The following RBCK1 variants were observed in gnomAD, a reference collection of about 807,000 sequenced individuals.
The protein encoded by RBCK1 is ranBP-type and C3HC4-type zinc finger-containing protein 1.
A neutral mutation model predicts 71.1 loss-of-function variants in RBCK1; 44 were observed. The ratio of observed to expected loss-of-function variants is 0.62; its 90% CI spans 0.49 to 0.80. RBCK1 has a LOEUF of 0.80. Ranked by LOEUF, RBCK1 falls within the 30% of genes least tolerant of loss-of-function variation. The pLI, the probability that RBCK1 is intolerant of heterozygous loss-of-function variation, is 0.00. For synonymous variants in RBCK1, 306 were observed against 279.7 expected, an observed-to-expected ratio of 1.09 and a Z score of -0.94; for missense variants, 569 against 685.0, an observed-to-expected ratio of 0.83 and a Z score of 1.89.
In RBCK1 at chr20:422,578, C is replaced by G. The variant is rs1389201032; in HGVS notation, c.1029+340C>G. ...GGCGTGGCAGCTCACACCTGTAATC[C>G]CAGCACTTTGGGAGGATGAAGTGGG... On this transcript the variant is annotated intron_variant, in intron 8 of 11. Coordinates refer to ENST00000356286, the MANE Select transcript of RBCK1 (RefSeq NM_031229.4). This position sits in a 1 kb window ranked among gnomAD's most constrained non-coding sequence, Gnocchi z 5.0. Among the ~76,000 whole-genome samples, 1 of 152,086 alleles carries G rather than the reference C, an allele frequency of 6.6e-6. No homozygotes were observed. The highest frequency in any genetic ancestry group is 1.5e-5 in the Non-Finnish European group (1 of 68,016).
chr20:409,822 A>T, intron 1 of RBCK1, 59 bp from the exon 2 acceptor site: 2 of 1,575,474 alleles, frequency 1.3e-6, no homozygotes, highest in Non-Finnish European at 1.7e-6. Context: ...CTACCCCATT[A>T]CTCTCAGCTC....
In RBCK1 at chr20:428,830, G is replaced by A. The variant is rs938493391; in HGVS notation, c.1309-121G>A. 65 of 1,440,128 alleles carry A rather than the reference G, an allele frequency of 4.5e-5. No individual in the cohort carries two copies. The highest frequency in any genetic ancestry group is 5.6e-5 in the Non-Finnish European group (62 of 1,101,908). 89.2% of individuals were successfully genotyped at this position (1,440,128 alleles called of 1,614,324 possible). A position where few individuals can be genotyped will look rare whatever the true frequency, so the allele number is the denominator to read the frequency against. On this transcript the variant is annotated intron_variant, in intron 10 of 11. Coordinates refer to ENST00000356286, the MANE Select transcript of RBCK1 (RefSeq NM_031229.4). This position sits in a 1 kb window ranked among gnomAD's most constrained non-coding sequence, Gnocchi z 5.7. ...TTGCTGGATGGAGCCTGGCCTGGCAGAGCCACACAGGAGAGACTCCACAGC... is the reference window on the plus strand; with the variant it reads ...TTGCTGGATGGAGCCTGGCCTGGCAAAGCCACACAGGAGAGACTCCACAGC...
intron 5 of RBCK1, 36 bp from the exon 6 acceptor site, chr20:419,522 C>G: frequency 6.2e-7 from 1 of 1,605,112 alleles, no homozygotes; most frequent in Non-Finnish European, 8.5e-7. Flanking sequence ...TTGCCTCACC[C>G]TGCCCAGTCG....
In RBCK1 at chr20:408,644, G is replaced by A; in HGVS notation, c.-114G>A. On this transcript the variant is annotated 5_prime_UTR_variant, in exon 1 of 12. Coordinates refer to ENST00000356286, the MANE Select transcript of RBCK1 (RefSeq NM_031229.4). Reference sequence around the variant, plus strand: ...CACACAGGGCTTGGGCCGCGCCGGAGGCCACACGGCCTGGCTGAGTTGCTC... The same window carrying A: ...CACACAGGGCTTGGGCCGCGCCGGAAGCCACACGGCCTGGCTGAGTTGCTC... 7.1e-7 allele frequency: 1 copy of A among 1,412,348 alleles called. No individual in the cohort carries two copies. The highest frequency in any genetic ancestry group is 9.8e-7 in the Non-Finnish European group (1 of 1,021,248). The allele number at this position is 1,412,348 out of a possible 1,614,324, so 87.5% of individuals were successfully genotyped here. A position where few individuals can be genotyped will look rare whatever the true frequency, so the allele number is the denominator to read the frequency against.
At chr20:420,052 C>G in intron 6 of RBCK1, 1 of 970,110 alleles carries the variant, frequency 1.0e-6, no homozygotes, top group East Asian at 1.2e-4. Context: ...ACCCCAGCAC[C>G]CTAGCCATGA....
chr20:423,286 C>T lies in RBCK1; in HGVS notation c.1029+1048C>T, dbSNP rs191452909. Among the ~76,000 whole-genome samples, 369 of 152,162 alleles carry T rather than the reference C, an allele frequency of 2.4e-3. 2 individuals carry two copies. Among genetic ancestry groups the T allele is most frequent in the African/African-American group, 8.5e-3 (352 of 41,508 alleles). On this transcript the variant is annotated intron_variant, in intron 8 of 11. Transcript: ENST00000356286. ...TGCACTCCAGCCTGGGCAACCAGAG[C>T]GAAACTCCGTCTGAAAATATATATA...
chr20:425,368 C>T (rs567490108), intron 8 of RBCK1, among the ~76,000 whole-genome samples: 3 of 152,304 alleles, frequency 2.0e-5, no homozygotes, highest in African/African-American at 7.2e-5. Flanking sequence ...ATAAAATGTA[C>T]TCATTGTAAG....
chr20:418,423 C>A (rs1363308092), intron 4 of RBCK1, among the ~76,000 whole-genome samples: 2 of 152,030 alleles, frequency 1.3e-5, no homozygotes, highest in Admixed American at 1.3e-4. Flanking sequence ...GGCTGGAGTG[C>A]AGTGGCACAA....
intron 8 of RBCK1, among the ~76,000 whole-genome samples, chr20:426,961 G>T (rs771998529): frequency 1.5e-4 from 23 of 151,252 alleles, no homozygotes; most frequent in Non-Finnish European, 2.8e-4. Context: ...AAGCAGCTGG[G>T]ACTACAGGTG....
intron 2 of RBCK1, among the ~76,000 whole-genome samples, chr20:413,256 T>C (rs1448334405): frequency 6.6e-6 from 1 of 152,182 alleles, no homozygotes; most frequent in Non-Finnish European, 1.5e-5. Context: ...TTTTGGTTAT[T>C]GCAAGTCTCT....
chr20:423,521 TA>T (rs1199053300), intron 8 of RBCK1, among the ~76,000 whole-genome samples: 1 of 151,992 alleles, frequency 6.6e-6, no homozygotes, highest in Non-Finnish European at 1.5e-5. Flanking sequence ...AAAATTACAA[TA>T]AAAAACAAAT....
At position 422,579 on chromosome 20, in the gene RBCK1, C is replaced by T. The variant is rs1198566260; in HGVS notation, c.1029+341C>T. ...GCGTGGCAGCTCACACCTGTAATCC[C>T]AGCACTTTGGGAGGATGAAGTGGGC... On this transcript the variant is annotated intron_variant, in intron 8 of 11. Coordinates refer to ENST00000356286, the MANE Select transcript of RBCK1 (RefSeq NM_031229.4). The surrounding 1 kb of genome is among the most constrained non-coding windows in gnomAD (Gnocchi z 5.0). Among the ~76,000 whole-genome samples, 1 of 152,132 alleles carries T rather than the reference C, an allele frequency of 6.6e-6. No homozygotes were observed. The highest frequency in any genetic ancestry group is 1.5e-5 in the Non-Finnish European group (1 of 68,022).
Position 422,236 on chromosome 20 carries a change from G to A in RBCK1, c.1027G>A (p.Ala343Thr). ...SGKLLEREIK[A>T]LLTPEDYQRF... ...CAAGCTGCTGGAGAGGGAGATCAAG[G>A]CGGTAAGGCCTCAGGGTGGGAGACA... Residue 343 changes from alanine (A) to threonine (T), a missense_variant and splice_region_variant, in exon 8 of 12, where the codon GCG (alanine) becomes ACG (threonine). By Grantham distance (58) the Ala-to-Thr change is moderately conservative (BLOSUM62 0). This residue lies in a region of RBCK1 where 211 missense variants were observed against 309.4 expected (regional missense o/e 0.68). Coordinates refer to ENST00000356286, the MANE Select transcript of RBCK1 (RefSeq NM_031229.4). The surrounding 1 kb of genome is among the most constrained non-coding windows in gnomAD (Gnocchi z 5.0). The A allele has an allele frequency of 6.2e-7, 1 of 1,613,440 alleles. No homozygotes were observed. Among genetic ancestry groups the A allele is most frequent in the Non-Finnish European group, 8.5e-7 (1 of 1,179,864 alleles).
Position 417,423 on chromosome 20 carries a change from GCATGGCCA to G in RBCK1, c.168-102_168-95del. 1 of 895,158 alleles carries G rather than the reference GCATGGCCA, an allele frequency of 1.1e-6. No individual in the cohort carries two copies. The highest frequency in any genetic ancestry group is 1.7e-5 in the African/African-American group (1 of 60,268). 55.5% of individuals were successfully genotyped at this position (895,158 alleles called of 1,614,324 possible). A position where few individuals can be genotyped will look rare whatever the true frequency, so the allele number is the denominator to read the frequency against. On this transcript the variant is annotated intron_variant, in intron 2 of 11. Coordinates refer to ENST00000356286, the MANE Select transcript of RBCK1 (RefSeq NM_031229.4). This position sits in a 1 kb window ranked among gnomAD's most constrained non-coding sequence, Gnocchi z 4.7. ...TGTGTGTGTGTGTGTGTGTGTGTGT[GCATGGCCA>G]TGTGCCTGTGTGCAAATATGTACAT... is the stretch of plus-strand genomic sequence containing the variant.
At chr20:421,170 C>T in intron 7 of RBCK1, 139 bp downstream of exon 7, 1 of 1,125,750 alleles carries the variant, frequency 8.9e-7, no homozygotes, top group Non-Finnish European at 1.2e-6. Flanking sequence ...TCCGTCTCCC[C>T]ATGTTGCGGA....
rs2016032721 is a variant in RBCK1, at chr20:417,092, T to A, written c.168-434T>A. Reference sequence around the variant, plus strand: ...CCTATCTGTGCCTCACATTTTTATCTGTAAAACAGGGATACAGCAGTACCT... The same window carrying A: ...CCTATCTGTGCCTCACATTTTTATCAGTAAAACAGGGATACAGCAGTACCT... On this transcript the variant is annotated intron_variant, in intron 2 of 11. Transcript: ENST00000356286. The surrounding 1 kb of genome is among the most constrained non-coding windows in gnomAD (Gnocchi z 4.7). 2.4e-6 allele frequency: 1 copy of A among 412,602 alleles called. No homozygotes were observed. The allele number at this position is 412,602 out of a possible 1,614,324, so 25.6% of individuals were successfully genotyped here. A position where few individuals can be genotyped will look rare whatever the true frequency, so the allele number is the denominator to read the frequency against.
chr20:419,052 C>T (rs1432740115), intron 4 of RBCK1, among the ~76,000 whole-genome samples: 12 of 152,324 alleles, frequency 7.9e-5, no homozygotes, highest in Admixed American at 5.2e-4. Context: ...TTGGCAGGAC[C>T]GCCTCAGCGG....
Position 409,899 on chromosome 20 carries a change from G to T in RBCK1, c.41G>T (p.Ser14Ile). The change falls in exon 2 of 12, where the codon AGC becomes ATC. Residue 14 changes from serine (S) to isoleucine (I), a missense_variant. Physicochemically the swap from Ser to Ile is moderately radical, Grantham distance 142. Coordinates refer to ENST00000356286, the MANE Select transcript of RBCK1 (RefSeq NM_031229.4). ...KTKKAEEMAL[S>I]LTRAVAGGDE... ...CTTTCAGCAGAGGAAATGGCCCTGA[G>T]CCTCACCCGAGCAGTGGCGGGCGGG... 6.2e-7 allele frequency: 1 copy of T among 1,614,112 alleles called. No homozygotes were observed. Among genetic ancestry groups the T allele is most frequent in the East Asian group, 2.2e-5 (1 of 44,870 alleles).
At chr20:408,893 C>T (rs2015532567) in intron 1 of RBCK1, 114 bp downstream of exon 1, 32 of 1,207,036 alleles carry the variant, frequency 2.7e-5, no homozygotes, top group Non-Finnish European at 3.6e-5. Flanking sequence ...CCTGCCCTCC[C>T]TCTACCCTCC....
Sources: gnomAD v4.1 joint callset for allele counts (sites outside exome capture counted in the v4.1 genomes callset) on GRCh38, gnomAD v4.1.1 for gene constraint, gnomAD v4.1.1 regional missense constraint, Gnocchi (gnomAD v3.1) non-coding constraint, MANE v1.5 for transcripts, NCBI Gene and HGNC (gene_info 2026-07-23, HGNC 2026-07-21) for gene names.